COQ3: variants seen among roughly 807,000 people sequenced by gnomAD.
COQ3 encodes coenzyme Q3, methyltransferase.
A neutral mutation model predicts 33.1 loss-of-function variants in COQ3; 29 were observed. The ratio of observed to expected loss-of-function variants is 0.88; its 90% CI spans 0.65 to 1.19. The LOEUF is 1.19. Ranked by LOEUF, COQ3 falls within the 50% of genes most tolerant of loss-of-function variation. COQ3 has a pLI of 0.00. For missense variants in COQ3, 437 were observed against 430.7 expected (o/e 1.01, Z -0.13); for synonymous variants, 173 against 157.8 (o/e 1.10, Z -0.72).
intron 2 of COQ3, 96 bp from the exon 3 acceptor site, chr6:99,380,437 T>C: frequency 7.6e-7 from 1 of 1,318,564 alleles, no homozygotes; most frequent in African/African-American, 1.5e-5. Flanking sequence ...ATTTACAATT[T>C]ATTATATTCT....
chr6:99,369,680 A>G lies in COQ3; in HGVS notation c.1030T>C (p.Phe344Leu). ...TCTTCTGTTTCTCCCTTTAAAACAA[A>G]CTCAGCAGAGGCTGGGTGTTCCTGG... The part of the protein sequence containing the change: ...RVQEHPASAE[F>L]VLKGETEELQ... The change falls in exon 7 of 7, where the codon TTT becomes CTT. Residue 344 changes from phenylalanine (F) to leucine (L), a missense_variant. Transcript: ENST00000254759. 6.2e-7 allele frequency: 1 copy of G among 1,614,080 alleles called. No individual in the cohort carries two copies. Among genetic ancestry groups the G allele is most frequent in the Non-Finnish European group, 8.5e-7 (1 of 1,179,996 alleles).
chr6:99,390,178 T>C (rs1774782625), intron 1 of COQ3, among the ~76,000 whole-genome samples: 1 of 152,152 alleles, frequency 6.6e-6, no homozygotes, highest in South Asian at 2.1e-4. Context: ...TCAGAGTCCC[T>C]GTAGGTAAAA....
At chr6:99,376,227 C>A in intron 4 of COQ3, 45 bp from the exon 5 acceptor site, 1 of 1,581,508 alleles carries the variant, frequency 6.3e-7, no homozygotes. Flanking sequence ...GAAAATAGAG[C>A]ACATGTTAGC....
chr6:99,385,793 A>C (rs1158863574), intron 1 of COQ3, among the ~76,000 whole-genome samples: 2 of 151,962 alleles, frequency 1.3e-5, no homozygotes, highest in Non-Finnish European at 2.9e-5. Flanking sequence ...CCTGGCCAAC[A>C]TGGTAAAACC....
At chr6:99,388,916 CACACACACACACACA>C (rs1774739619) in intron 1 of COQ3, among the ~76,000 whole-genome samples, 2 of 149,452 alleles carry the variant, frequency 1.3e-5, no homozygotes, top group South Asian at 4.2e-4. Context: ...CACACACACA[CACACACACACACACA>C]CACCCACATC....
At chr6:99,390,075 C>T (rs767852431) in intron 1 of COQ3, among the ~76,000 whole-genome samples, 23 of 152,122 alleles carry the variant, frequency 1.5e-4, no homozygotes, top group Non-Finnish European at 2.2e-4. Context: ...ATCACGCCAC[C>T]GCACTCCAGC....
At chr6:99,391,281 T>C (rs1254475810) in intron 1 of COQ3, among the ~76,000 whole-genome samples, 3 of 151,764 alleles carry the variant, frequency 2.0e-5, no homozygotes, top group Non-Finnish European at 4.4e-5. Flanking sequence ...GTATTTTTTT[T>C]TTTGTAGAGA....
chr6:99,370,002 C>A (rs1318518579), intron 6 of COQ3, among the ~76,000 whole-genome samples, 182 bp from the exon 7 acceptor site: 1 of 152,132 alleles, frequency 6.6e-6, no homozygotes, highest in Non-Finnish European at 1.5e-5. Flanking sequence ...GCACTAATCA[C>A]AATTTACTGC....
Position 99,383,837 on chromosome 6 carries a change from AT to A in COQ3, c.107-14del. 4 of 1,558,256 alleles carry A rather than the reference AT, an allele frequency of 2.6e-6. No homozygotes were observed. The highest frequency in any genetic ancestry group is 3.5e-6 in the Non-Finnish European group (4 of 1,157,050). On this transcript the variant is annotated splice_polypyrimidine_tract_variant and intron_variant, in intron 1 of 6. Transcript: ENST00000254759. The stretch of plus-strand genomic sequence containing the variant: ...TTCTTCACATAAACTGAAAAAAAAA[AT>A]TAAATATCTAGAGAAAAGCTTTGCA...
At position 99,375,946 on chromosome 6, in the gene COQ3, C is replaced by A; in HGVS notation, c.723G>T (p.Val241=). 6.2e-7 allele frequency: 1 copy of A among 1,613,952 alleles called. No homozygotes were observed. Among genetic ancestry groups the A allele is most frequent in the Non-Finnish European group, 8.5e-7 (1 of 1,179,992 alleles). ...TAAACTCCATAAGCCTTACTTTTAA[C>A]ACTTGACAGCAGCACTGTAAAAATG... ...LETFLQCCCQ[V]LKPGGSLFIT... is the part of the protein sequence containing the mutation. The change falls in exon 5 of 7, where the codon GTG becomes GTT. Residue 241 remains valine (V), a synonymous_variant. Transcript: ENST00000254759.
At chr6:99,392,517 C>T (rs751839979) in intron 1 of COQ3, among the ~76,000 whole-genome samples, 10 of 151,050 alleles carry the variant, frequency 6.6e-5, no homozygotes, top group Non-Finnish European at 7.4e-5. Flanking sequence ...CTTGCCACCC[C>T]CTGCCTTTAC....
At chr6:99,388,918 CACACACACACACACA>C (rs1774740080) in intron 1 of COQ3, among the ~76,000 whole-genome samples, 4 of 149,558 alleles carry the variant, frequency 2.7e-5, no homozygotes, top group East Asian at 2.0e-4. Flanking sequence ...CACACACACA[CACACACACACACACA>C]CCCACATCCT....
rs747287563 is a variant in COQ3, at chr6:99,369,614, T to C, written c.1096A>G (p.Lys366Glu). ...TCAGAAACAATTCATTTCTTCAGCT[T>C]TTCATGCACAGCTGGATTGGTGCAG... Reference protein sequence around the residue: ...NACTNPAVHEKLKK With the variant: ...NACTNPAVHEELKK Residue 366 changes from lysine to glutamate, a missense_variant, in exon 7 of 7, where the codon AAG (lysine) becomes GAG (glutamate). Lys to Glu is a moderately conservative substitution (Grantham distance 56, BLOSUM62 1). Transcript: ENST00000254759. 1 of 1,612,876 alleles carries C rather than the reference T, an allele frequency of 6.2e-7. No individual in the cohort carries two copies. Among genetic ancestry groups the C allele is most frequent in the Non-Finnish European group, 8.5e-7 (1 of 1,179,164 alleles).
chr6:99,372,212 T>TC (rs1371594586), intron 5 of COQ3, among the ~76,000 whole-genome samples: 1 of 152,062 alleles, frequency 6.6e-6, no homozygotes, highest in East Asian at 1.9e-4. Flanking sequence ...GAGACCAGAC[T>TC]GGCCAACATG....
At position 99,380,301 on chromosome 6, in the gene COQ3, C is replaced by T. The variant is rs1774432871; in HGVS notation, c.274G>A (p.Val92Ile). 1 of 1,614,040 alleles carries T rather than the reference C, an allele frequency of 6.2e-7. No homozygotes were observed. The highest frequency in any genetic ancestry group is 1.7e-5 in the Admixed American group (1 of 60,002). ...ARLYSTSQTT[V>I]DSGEVKTFLA... ...AAGGTTTTTACCTCACCGCTGTCGA[C>T]AGTGGTTTGGGAAGTACTGTACAGT... is the stretch of plus-strand genomic sequence containing the variant. Residue 92 changes from valine (V) to isoleucine (I), a missense_variant, in exon 3 of 7, where the codon GTC becomes ATC. Coordinates refer to ENST00000254759, the MANE Select transcript of COQ3 (RefSeq NM_017421.4).
chr6:99,373,679 C>T lies in COQ3; in HGVS notation c.730-2092G>A, dbSNP rs182967904. Among the ~76,000 whole-genome samples the T allele has an allele frequency of 4.9e-3, 747 of 152,032 alleles. 3 individuals are homozygous for T. Among genetic ancestry groups the T allele is most frequent in the Non-Finnish European group, 8.7e-3 (590 of 67,990 alleles). On this transcript the variant is annotated intron_variant, in intron 5 of 6. Coordinates refer to ENST00000254759, the MANE Select transcript of COQ3 (RefSeq NM_017421.4). ...TTTTATTTGGAAAATAAGAGATAAG[C>T]CTAGTAAAACTCTACTTAAGAGGAA...
chr6:99,394,153 G>A lies in COQ3; in HGVS notation c.27C>T (p.Ser9=), dbSNP rs1774911887. 1 of 1,606,520 alleles carries A rather than the reference G, an allele frequency of 6.2e-7. No homozygotes were observed. The highest frequency in any genetic ancestry group is 8.5e-7 in the Non-Finnish European group (1 of 1,176,328). Residue 9 remains serine (S), a synonymous_variant, in exon 1 of 7, where the codon TCC becomes TCT. Transcript: ENST00000254759. Reference sequence around the variant, plus strand: ...GCACTCTTAAAAACCAACCCCCGGAGGAGCCCAGCTTACGGCCACTCCACA... The same window carrying A: ...GCACTCTTAAAAACCAACCCCCGGAAGAGCCCAGCTTACGGCCACTCCACA... MWSGRKLG[S]SGGWFLRVLG...
At position 99,369,524 on chromosome 6, in the gene COQ3, A is replaced by G; in HGVS notation, c.*76T>C. The G allele has an allele frequency of 8.9e-7, 1 of 1,120,408 alleles. No homozygotes were observed. Among genetic ancestry groups the G allele is most frequent in the Non-Finnish European group, 1.3e-6 (1 of 796,246 alleles). The allele number at this position is 1,120,408 out of a possible 1,614,324, so 69.4% of individuals were successfully genotyped here. ...CTTCTTTTCTTCATGATTCTCTCTC[A>G]AAGGATAAATTGTACATTTTTGTAT... On this transcript the variant is annotated 3_prime_UTR_variant, in exon 7 of 7. Transcript: ENST00000254759.
At chr6:99,374,123 A>G (rs1048085135) in intron 5 of COQ3, among the ~76,000 whole-genome samples, 1 of 98,334 alleles carries the variant, frequency 1.0e-5, no homozygotes, top group African/African-American at 3.9e-5. Flanking sequence ...TGACATTAGC[A>G]AAAAAAAAAA....
Sources: allele counts gnomAD v4.1 joint callset (sites outside exome capture counted in the v4.1 genomes callset), GRCh38; gene constraint gnomAD v4.1.1; transcripts MANE v1.5; gene names NCBI Gene and HGNC (gene_info 2026-07-23, HGNC 2026-07-21).